The following SLC4A4 variants were observed in gnomAD, a reference collection of about 807,000 sequenced individuals.
SLC4A4 encodes the protein electrogenic sodium bicarbonate cotransporter 1.
SLC4A4 carries 27 observed loss-of-function variants against 111.5 expected under a neutral mutation model. The ratio of observed to expected loss-of-function variants is 0.24; its 90% CI spans 0.18 to 0.33. The LOEUF is 0.33. SLC4A4 is among the 10% of genes least tolerant of loss of function. The probability of loss-of-function intolerance (pLI) is 1.00; values close to 1 mark genes in which losing one functional copy is unlikely to be tolerated. For synonymous variants in SLC4A4, 443 were observed against 463.4 expected, an observed-to-expected ratio of 0.96 and a Z score of 0.57; for missense variants, 909 against 1,315.5, an observed-to-expected ratio of 0.69 and a Z score of 4.78.
At chr4:71,199,849 C>G (rs1746168759) in intron 1 of SLC4A4, among the ~76,000 whole-genome samples, 1 of 152,028 alleles carries the variant, frequency 6.6e-6, no homozygotes, top group Admixed American at 6.6e-5. Context: ...TGGAGTTTCA[C>G]CATGTTGGCC....
chr4:71,232,219 G>A (rs999232846), intron 1 of SLC4A4, among the ~76,000 whole-genome samples: 2 of 152,156 alleles, frequency 1.3e-5, no homozygotes, highest in African/African-American at 4.8e-5. Flanking sequence ...TATAGTCTTG[G>A]AGGGAATGTG....
chr4:71,470,776 G>C lies in SLC4A4; in HGVS notation c.1632-1923G>C, dbSNP rs529116615. ...GCCAATGCTCCTATTTGAGTCTGAA[G>C]GCTGTCTGCTGTAGAACCAGGAAGA... On this transcript the variant is annotated intron_variant, in intron 13 of 25. Transcript: ENST00000264485. Among the ~76,000 whole-genome samples, 3 of 152,106 alleles carry C rather than the reference G, an allele frequency of 2.0e-5. No individual in the cohort carries two copies. In the South Asian group the frequency reaches 6.2e-4, roughly 32 times the overall value.
At chr4:71,531,800 C>G (rs4020558) in intron 16 of SLC4A4, among the ~76,000 whole-genome samples, 82 of 93,194 alleles carry the variant, frequency 8.8e-4, no homozygotes, top group African/African-American at 2.8e-3. Flanking sequence ...CACACACACA[C>G]ACACAGAAAG....
At chr4:71,350,856 A>T (rs1179341005) in intron 5 of SLC4A4, among the ~76,000 whole-genome samples, 8 of 152,166 alleles carry the variant, frequency 5.3e-5, no homozygotes, top group African/African-American at 1.4e-4. Context: ...GGGTAGGCAC[A>T]CTGCAGACCC....
chr4:71,109,283 G>A (rs2148950841), intron 2 of SLC4A4, among the ~76,000 whole-genome samples: 1 of 152,160 alleles, frequency 6.6e-6, no homozygotes, highest in East Asian at 1.9e-4. Flanking sequence ...ATATGTAGTT[G>A]CTTTTGAGTG....
chr4:71,097,819 G>A (rs1257393568), intron 2 of SLC4A4, among the ~76,000 whole-genome samples: 1 of 152,110 alleles, frequency 6.6e-6, no homozygotes, highest in Non-Finnish European at 1.5e-5. Context: ...CGACATGCAT[G>A]TCTTCTTTTG....
intron 2 of SLC4A4, among the ~76,000 whole-genome samples, chr4:71,096,445 A>G (rs1742556314): frequency 6.6e-6 from 1 of 152,226 alleles, no homozygotes; most frequent in Non-Finnish European, 1.5e-5. Flanking sequence ...GGTGAATCGC[A>G]GAAGTGAAAG....
In SLC4A4 at chr4:71,412,638, C is replaced by T. The variant is rs575941592; in HGVS notation, c.807+14985C>T. ...AAAGAAACAGCAAACAATCCCTGCT[C>T]TCCAGGAGGTCTCATTATAGACTGT... On this transcript the variant is annotated intron_variant, in intron 7 of 25. Coordinates refer to ENST00000264485, the MANE Select transcript of SLC4A4 (RefSeq NM_001098484.3). Among the ~76,000 whole-genome samples, 7 of 152,310 alleles carry T rather than the reference C, an allele frequency of 4.6e-5. No homozygotes were observed. In the East Asian group the frequency reaches 1.4e-3, roughly 29 times the overall value.
rs1728705844 is a variant in SLC4A4, at chr4:71,339,450, C to T, written c.334C>T (p.Leu112=). 1.2e-6 allele frequency: 2 copies of T among 1,614,092 alleles called. No homozygotes were observed. Among genetic ancestry groups the T allele is most frequent in the East Asian group, 4.5e-5 (2 of 44,864 alleles). Residue 112 remains leucine (L), a synonymous_variant, in exon 4 of 26, where the codon CTG becomes TTG. Coordinates refer to ENST00000264485, the MANE Select transcript of SLC4A4 (RefSeq NM_001098484.3). The part of the protein sequence containing the change: ...SPAPPQLFTE[L]DELLAVDGQE... The stretch of plus-strand genomic sequence containing the variant: ...AGCTCCCCCTCAGCTCTTCACGGAA[C>T]TGGATGAGCTGCTGGCCGTGGATGG...
At chr4:71,249,618 G>A (rs1207095501) in intron 2 of SLC4A4, among the ~76,000 whole-genome samples, 1 of 152,192 alleles carries the variant, frequency 6.6e-6, no homozygotes, top group Non-Finnish European at 1.5e-5. Context: ...GCTGAGCGTG[G>A]TGGCTTGTGC....
At chr4:71,378,591 C>T (rs1352160539) in intron 6 of SLC4A4, among the ~76,000 whole-genome samples, 1 of 152,174 alleles carries the variant, frequency 6.6e-6, no homozygotes, top group Non-Finnish European at 1.5e-5. Flanking sequence ...GGAGACAGCT[C>T]AAGCGCTAAA....
rs567518156 is a variant in SLC4A4 at position 71,309,153 on chromosome 4, C to T, written c.254-30217C>T. On this transcript the variant is annotated intron_variant, in intron 3 of 25. Transcript: ENST00000264485. The stretch of plus-strand genomic sequence containing the variant: ...AGCAAAGTGGCTGTGGCTAGACTGC[C>T]TTTCTAGATTCCTCTTCACTGGGCA... 1.2e-3 allele frequency among the ~76,000 whole-genome samples: 186 copies of T among 152,318 alleles called. 1 individual carries two copies. The highest frequency in any genetic ancestry group is 4.2e-3 in the African/African-American group (174 of 41,576).
intron 1 of SLC4A4, 176 bp from the exon 2 acceptor site, chr4:71,236,400 C>A: frequency 2.6e-6 from 2 of 766,492 alleles, no homozygotes; most frequent in Non-Finnish European, 4.0e-6. Flanking sequence ...GGCATATTCT[C>A]GAGCACCAGA....
chr4:71,317,098 G>T (rs937689000), intron 3 of SLC4A4, among the ~76,000 whole-genome samples: 1 of 151,624 alleles, frequency 6.6e-6, no homozygotes, highest in African/African-American at 2.4e-5. Context: ...GTGTGTGTGT[G>T]TGTGTGTGTA....
At chr4:71,318,962 T>C (rs1199960373) in intron 3 of SLC4A4, among the ~76,000 whole-genome samples, 1 of 151,972 alleles carries the variant, frequency 6.6e-6, no homozygotes, top group East Asian at 1.9e-4. Context: ...GGACATATCT[T>C]AGGCTATAAC....
intron 22 of SLC4A4, among the ~76,000 whole-genome samples, chr4:71,559,133 G>A (rs1736736848): frequency 6.6e-6 from 1 of 151,904 alleles, no homozygotes; most frequent in African/African-American, 2.4e-5. Context: ...TAGGACAGAT[G>A]TTATTTATTT....
At chr4:71,089,556 G>T (rs914077667) in intron 1 of SLC4A4, among the ~76,000 whole-genome samples, 1 of 151,974 alleles carries the variant, frequency 6.6e-6, no homozygotes, top group Non-Finnish European at 1.5e-5. Context: ...TGATGATGGT[G>T]ACGTACAGAT....
chr4:71,478,937 T>C (rs1439036882), intron 14 of SLC4A4, among the ~76,000 whole-genome samples: 1 of 151,786 alleles, frequency 6.6e-6, no homozygotes, highest in Non-Finnish European at 1.5e-5. Context: ...ATTTGCCTAA[T>C]GTGTAAATCT....
chr4:71,531,735 T>G (rs924983215), intron 16 of SLC4A4, among the ~76,000 whole-genome samples: 2 of 147,940 alleles, frequency 1.4e-5, no homozygotes, highest in Non-Finnish European at 3.0e-5. Context: ...GTACGTTCTA[T>G]TTGATTGCCC....
Sources: allele counts gnomAD v4.1 joint callset (sites outside exome capture counted in the v4.1 genomes callset), GRCh38; gene constraint gnomAD v4.1.1; transcripts MANE v1.5; gene names NCBI Gene and HGNC (gene_info 2026-07-23, HGNC 2026-07-21).